Variants in ADGRL2 observed in about 807,000 individuals in gnomAD.
ADGRL2 encodes adhesion G protein-coupled receptor L2, also known as calcium-independent alpha-latrotoxin receptor 2.
Under a neutral mutation model 157.4 loss-of-function variants are expected in ADGRL2, and 44 were observed. The ratio of observed to expected loss-of-function variants is 0.28; its 90% CI spans 0.22 to 0.36. ADGRL2 has a LOEUF of 0.36. Among genes scored for constraint, ADGRL2 ranks in the 10% least tolerant of loss-of-function variants. The pLI, the probability that ADGRL2 is intolerant of heterozygous loss-of-function variation, is 1.00. For missense variants in ADGRL2, 1,510 were observed against 1,768.9 expected, an observed-to-expected ratio of 0.85 and a Z score of 2.63; for synonymous variants, 585 against 624.7, an observed-to-expected ratio of 0.94 and a Z score of 0.95.
At chr1:81,773,641 C>T (rs1388378679) in intron 2 of ADGRL2, among the ~76,000 whole-genome samples, 1 of 152,198 alleles carries the variant, frequency 6.6e-6, no homozygotes, top group African/African-American at 2.4e-5. Context: ...CAATTACTTT[C>T]TTCTTGAGCG....
At chr1:81,540,276 G>T (rs1021034950) in intron 2 of ADGRL2, among the ~76,000 whole-genome samples, 1 of 152,016 alleles carries the variant, frequency 6.6e-6, no homozygotes, top group Non-Finnish European at 1.5e-5. Flanking sequence ...ATTTTATAAA[G>T]TAAGTTAGGA....
chr1:81,361,877 A>G (rs2075984242), intron 1 of ADGRL2, among the ~76,000 whole-genome samples: 1 of 151,800 alleles, frequency 6.6e-6, no homozygotes, highest in Admixed American at 6.6e-5. Context: ...CCTCATAGCT[A>G]TCTATAGATT....
chr1:81,784,132 G>T (rs764855975), intron 2 of ADGRL2, among the ~76,000 whole-genome samples: 1 of 152,050 alleles, frequency 6.6e-6, no homozygotes, highest in Non-Finnish European at 1.5e-5. Context: ...ATAAAAAAAA[G>T]CATCTTAATA....
intron 3 of ADGRL2, among the ~76,000 whole-genome samples, chr1:81,605,460 C>A (rs147707639): frequency 1.3e-5 from 2 of 152,256 alleles, no homozygotes; most frequent in East Asian, 3.9e-4. Context: ...AACAGTCATA[C>A]GAAAGACACT....
intron 2 of ADGRL2, chr1:81,502,770 G>A (rs1440435700): frequency 2.0e-5 from 32 of 1,613,152 alleles, no homozygotes; most frequent in Non-Finnish European, 2.5e-5. Flanking sequence ...AGAGCCGGCG[G>A]CCCAGCTACA....
intron 1 of ADGRL2, among the ~76,000 whole-genome samples, chr1:81,347,997 C>A (rs1362268969): frequency 1.3e-5 from 2 of 152,176 alleles, no homozygotes; most frequent in African/African-American, 4.8e-5. Context: ...AATCATCAGG[C>A]ATGTCACTCC....
At chr1:81,890,274 A>G (rs1043954045) in intron 2 of ADGRL2, among the ~76,000 whole-genome samples, 1 of 152,214 alleles carries the variant, frequency 6.6e-6, no homozygotes, top group Non-Finnish European at 1.5e-5. Context: ...CAGATTTTAT[A>G]TAGTGAATAT....
At chr1:81,417,294 T>C (rs1291494127) in intron 1 of ADGRL2, among the ~76,000 whole-genome samples, 2 of 152,166 alleles carry the variant, frequency 1.3e-5, no homozygotes, top group Non-Finnish European at 2.9e-5. Context: ...TGCTATTATG[T>C]GACTCCTAAT....
intron 2 of ADGRL2, chr1:81,502,385 A>G (rs933407380): frequency 1.2e-6 from 2 of 1,614,116 alleles, no homozygotes; most frequent in Non-Finnish European, 8.5e-7. Context: ...GGGAAGAGAG[A>G]TCTCTCGAGA....
intron 2 of ADGRL2, among the ~76,000 whole-genome samples, chr1:81,771,480 A>G (rs946781857): frequency 5.9e-5 from 9 of 152,254 alleles, no homozygotes; most frequent in Non-Finnish European, 1.0e-4. Flanking sequence ...CTTATCTACA[A>G]ATAAATGCAT....
chr1:81,432,730 C>A (rs1488580969), intron 1 of ADGRL2, among the ~76,000 whole-genome samples: 1 of 152,136 alleles, frequency 6.6e-6, no homozygotes, highest in African/African-American at 2.4e-5. Flanking sequence ...GTCGTTGGAA[C>A]ATCATATTTC....
At chr1:81,435,601 G>A (rs1032752510) in intron 1 of ADGRL2, among the ~76,000 whole-genome samples, 3 of 151,984 alleles carry the variant, frequency 2.0e-5, no homozygotes, top group Admixed American at 2.0e-4. Context: ...TCAAAACATC[G>A]GGACTATATA....
chr1:81,381,109 A>G (rs539970579), intron 1 of ADGRL2, among the ~76,000 whole-genome samples: 54 of 152,132 alleles, frequency 3.5e-4, no homozygotes, highest in African/African-American at 1.3e-3. Flanking sequence ...TGTTTTTCAG[A>G]TTATTCCTTG....
chr1:81,932,751 T>C (rs1386272234), intron 3 of ADGRL2, among the ~76,000 whole-genome samples: 1 of 152,168 alleles, frequency 6.6e-6, no homozygotes, highest in Non-Finnish European at 1.5e-5. Context: ...TGGAGTGCAA[T>C]GGTGCAATCT....
intron 3 of ADGRL2, among the ~76,000 whole-genome samples, chr1:81,925,628 A>C (rs1463163039): frequency 6.6e-6 from 1 of 151,128 alleles, no homozygotes; most frequent in Non-Finnish European, 1.5e-5. Context: ...AATGTTTCTG[A>C]GTCAGTTAAA....
intron 3 of ADGRL2, among the ~76,000 whole-genome samples, chr1:81,926,023 G>T (rs572222093): frequency 1.3e-5 from 2 of 151,980 alleles, no homozygotes; most frequent in African/African-American, 4.8e-5. Context: ...TTTAGTTGCA[G>T]GTTCTTTTGC....
intron 3 of ADGRL2, among the ~76,000 whole-genome samples, chr1:81,645,265 G>C (rs2082291005): frequency 1.3e-5 from 2 of 151,718 alleles, no homozygotes; most frequent in African/African-American, 4.8e-5. Flanking sequence ...GGTGGTGCGT[G>C]CCTGTAGTCC....
At chr1:81,973,575 GC>G (rs1208611401) in intron 17 of ADGRL2, among the ~76,000 whole-genome samples, 2 of 152,098 alleles carry the variant, frequency 1.3e-5, no homozygotes. Context: ...ATTTCAATTA[GC>G]AAAAGAAGTT....
At chr1:81,918,360 A>G (rs1484666160) in intron 3 of ADGRL2, among the ~76,000 whole-genome samples, 2 of 152,134 alleles carry the variant, frequency 1.3e-5, no homozygotes, top group Non-Finnish European at 2.9e-5. Flanking sequence ...GCCAGAAGCT[A>G]GTCTATGGAA....
Sources: allele counts gnomAD v4.1 joint callset (sites outside exome capture counted in the v4.1 genomes callset), GRCh38; gene constraint gnomAD v4.1.1; transcripts MANE v1.5; gene names NCBI Gene and HGNC (gene_info 2026-07-23, HGNC 2026-07-21).